Variants in DPP10 observed in about 807,000 individuals in gnomAD.
DPP10 encodes the protein dipeptidyl peptidase like 10.
DPP10 carries 33 observed loss-of-function variants against 120.9 expected under a neutral mutation model. The ratio of observed to expected loss-of-function variants is 0.27; its 90% confidence interval spans 0.21 to 0.37. DPP10 has a LOEUF of 0.37. DPP10 is among the 10% of genes least tolerant of loss of function. The pLI is 1.00. For missense variants in DPP10, 816 were observed against 942.8 expected, an observed-to-expected ratio of 0.87 and a Z score of 1.76; for synonymous variants, 337 against 326.1, an observed-to-expected ratio of 1.03 and a Z score of -0.36.
At chr2:114,999,449 C>G (rs781744975) in intron 1 of DPP10, among the ~76,000 whole-genome samples, 44 of 152,140 alleles carry the variant, frequency 2.9e-4, no homozygotes, top group Non-Finnish European at 5.3e-4. Flanking sequence ...TGGTTAAATT[C>G]CAACTGAGGT....
intron 13 of DPP10, among the ~76,000 whole-genome samples, chr2:115,771,756 G>A (rs1681502755): frequency 6.6e-6 from 1 of 152,098 alleles, no homozygotes; most frequent in African/African-American, 2.4e-5. Flanking sequence ...CAGTCAGCCA[G>A]GTCACCTTTG....
At chr2:115,263,857 T>C (rs565673886) in intron 1 of DPP10, among the ~76,000 whole-genome samples, 2 of 152,164 alleles carry the variant, frequency 1.3e-5, no homozygotes, top group African/African-American at 4.8e-5. Context: ...CTTTATAAAA[T>C]ATTAGTGCAA....
intron 1 of DPP10, among the ~76,000 whole-genome samples, chr2:114,586,742 T>G (rs1691012642): frequency 6.6e-6 from 1 of 152,178 alleles, no homozygotes; most frequent in Non-Finnish European, 1.5e-5. Context: ...ATGAATGGCT[T>G]GGAGTTCTCT....
intron 1 of DPP10, among the ~76,000 whole-genome samples, chr2:115,087,178 A>G (rs1013947960): frequency 6.6e-6 from 1 of 152,170 alleles, no homozygotes; most frequent in African/African-American, 2.4e-5. Context: ...TTGATCCATA[A>G]TGGTATTTTT....
chr2:114,787,883 A>G (rs963510414), intron 1 of DPP10, among the ~76,000 whole-genome samples: 2 of 152,204 alleles, frequency 1.3e-5, no homozygotes, highest in African/African-American at 4.8e-5. Flanking sequence ...TCTTGCTATA[A>G]TAGTTTAATT....
chr2:114,722,461 C>G (rs1049254917), intron 1 of DPP10, among the ~76,000 whole-genome samples: 1 of 151,802 alleles, frequency 6.6e-6, no homozygotes, highest in Non-Finnish European at 1.5e-5. Flanking sequence ...GTATCCAAAC[C>G]ATTAGAAAAA....
chr2:115,022,333 TG>T (rs1703137029), intron 1 of DPP10, among the ~76,000 whole-genome samples: 1 of 151,734 alleles, frequency 6.6e-6, no homozygotes, highest in African/African-American at 2.4e-5. Flanking sequence ...ACAAAATTAA[TG>T]TACGCGAATC....
chr2:114,507,928 G>A (rs1683813093), intron 1 of DPP10, among the ~76,000 whole-genome samples: 1 of 152,124 alleles, frequency 6.6e-6, no homozygotes, highest in Non-Finnish European at 1.5e-5. Flanking sequence ...CATAGTAATT[G>A]ATATATGCTG....
intron 2 of DPP10, among the ~76,000 whole-genome samples, chr2:115,319,082 T>C (rs1423069041): frequency 6.6e-6 from 1 of 152,182 alleles, no homozygotes; most frequent in African/African-American, 2.4e-5. Flanking sequence ...AGATTCTTTT[T>C]ATTTCTAGCT....
intron 8 of DPP10, among the ~76,000 whole-genome samples, chr2:115,729,765 G>C (rs2092854773): frequency 1.3e-5 from 2 of 152,096 alleles, no homozygotes; most frequent in South Asian, 4.1e-4. Flanking sequence ...AACAGAGTGA[G>C]ATCCTTACCT....
At chr2:115,376,655 C>T (rs997618180) in intron 3 of DPP10, among the ~76,000 whole-genome samples, 5 of 150,500 alleles carry the variant, frequency 3.3e-5, no homozygotes, top group Non-Finnish European at 7.4e-5. Flanking sequence ...CACCCACTAA[C>T]TCGTCATCTA....
At chr2:115,658,781 A>G (rs1438395751) in intron 5 of DPP10, among the ~76,000 whole-genome samples, 2 of 152,254 alleles carry the variant, frequency 1.3e-5, no homozygotes, top group Admixed American at 6.5e-5. Context: ...AAAAACAACA[A>G]TAAAATCACT....
chr2:114,995,576 A>G (rs1701026343), intron 1 of DPP10, among the ~76,000 whole-genome samples: 1 of 152,194 alleles, frequency 6.6e-6, no homozygotes, highest in South Asian at 2.1e-4. Flanking sequence ...CTACCTCTTT[A>G]GTGAGCCTTA....
At chr2:114,651,411 C>T (rs571440230) in intron 1 of DPP10, among the ~76,000 whole-genome samples, 1 of 152,170 alleles carries the variant, frequency 6.6e-6, no homozygotes, top group Admixed American at 6.5e-5. Flanking sequence ...CAAGCTTTAC[C>T]CTCATCAAAA....
chr2:114,653,559 C>T (rs1363370646), intron 1 of DPP10, among the ~76,000 whole-genome samples: 1 of 152,116 alleles, frequency 6.6e-6, no homozygotes, highest in Non-Finnish European at 1.5e-5. Context: ...AAACAAGTTC[C>T]CAGGCCCTCC....
At chr2:115,542,995 G>C (rs1050463316) in intron 5 of DPP10, among the ~76,000 whole-genome samples, 1 of 151,898 alleles carries the variant, frequency 6.6e-6, no homozygotes, top group Non-Finnish European at 1.5e-5. Flanking sequence ...TGTTGTGTCA[G>C]TGTTGTCAAA....
In DPP10 at chr2:114,961,811, G is replaced by A. The variant is rs571249303; in HGVS notation, c.61-347428G>A. On this transcript the variant is annotated intron_variant, in intron 1 of 25. Coordinates refer to ENST00000410059, the MANE Select transcript of DPP10 (RefSeq NM_020868.6). ...TGGACTAAAAATACAAAAATTAGCC[G>A]GGCATGATGGCGAGCACCTGTAATC... is the stretch of plus-strand genomic sequence containing the variant. 1.2e-4 allele frequency among the ~76,000 whole-genome samples: 18 copies of A among 152,106 alleles called. No homozygotes were observed. The South Asian group carries it at 2.3e-3, about 19-fold the overall frequency.
At chr2:115,642,694 C>T (rs2086885834) in intron 5 of DPP10, among the ~76,000 whole-genome samples, 1 of 152,042 alleles carries the variant, frequency 6.6e-6, no homozygotes, top group Admixed American at 6.6e-5. Flanking sequence ...ATCTCATACA[C>T]ACATACGTAC....
intron 3 of DPP10, among the ~76,000 whole-genome samples, chr2:115,387,148 GCT>G (rs1427775205): frequency 6.6e-6 from 1 of 151,938 alleles, no homozygotes; most frequent in African/African-American, 2.4e-5. Context: ...GCCCTTCTGT[GCT>G]CTGAGGAGGG....
Sources: gnomAD v4.1 joint callset for allele counts (sites outside exome capture counted in the v4.1 genomes callset) on GRCh38, gnomAD v4.1.1 for gene constraint, MANE v1.5 for transcripts, NCBI Gene and HGNC (gene_info 2026-07-23, HGNC 2026-07-21) for gene names.